Variants in PGBD5 observed in about 807,000 individuals in gnomAD.
PGBD5 encodes the protein piggyBac transposable element derived 5, also known as piggyBac transposable element-derived protein 5.
In PGBD5, 14 loss-of-function variants were observed where a neutral mutation model predicts 47.9. The observed-to-expected ratio is 0.29, with a 90% CI of 0.19 to 0.46. The LOEUF (loss-of-function observed/expected upper bound fraction) is 0.46. Among genes scored for constraint, PGBD5 ranks in the 20% least tolerant of loss-of-function variants. PGBD5 has a pLI of 1.00. For missense variants in PGBD5, 635 were observed against 716.0 expected (o/e 0.89, Z 1.29); for synonymous variants, 316 against 306.3 (o/e 1.03, Z -0.33).
intron 1 of PGBD5, among the ~76,000 whole-genome samples, chr1:230,416,453 C>T (rs2102753278): frequency 6.6e-6 from 1 of 152,316 alleles, no homozygotes; most frequent in South Asian, 2.1e-4. Flanking sequence ...TTACCATATA[C>T]TGTGACCAGA....
At chr1:230,354,216 C>A (rs963453185) in intron 2 of PGBD5, among the ~76,000 whole-genome samples, 1 of 152,206 alleles carries the variant, frequency 6.6e-6, no homozygotes, top group African/African-American at 2.4e-5. Flanking sequence ...CCTACTGACA[C>A]GGAGCTGGTG....
intron 1 of PGBD5, among the ~76,000 whole-genome samples, chr1:230,391,637 C>A (rs983434386): frequency 6.6e-6 from 1 of 152,180 alleles, no homozygotes; most frequent in Non-Finnish European, 1.5e-5. Flanking sequence ...TTTCCAAGAC[C>A]AAACTGTGAG....
chr1:230,375,022 C>G (rs993100524), intron 1 of PGBD5, among the ~76,000 whole-genome samples: 1 of 152,190 alleles, frequency 6.6e-6, no homozygotes, highest in Non-Finnish European at 1.5e-5. Context: ...TCTCTTCATA[C>G]GTTTCCAAAG....
Position 230,405,400 on chromosome 1 carries a change from C to T in PGBD5, c.331+20198G>A, listed in dbSNP as rs531885695. Reference sequence around the variant, plus strand: ...GCGTGGATGATCCACCTCCACTAAACGAACAGTAAATATATTTTCTCTTTC... The same window carrying T: ...GCGTGGATGATCCACCTCCACTAAATGAACAGTAAATATATTTTCTCTTTC... On this transcript the variant is annotated intron_variant, in intron 1 of 6. Coordinates refer to ENST00000391860, the MANE Select transcript of PGBD5 (RefSeq NM_001258311.2). Among the ~76,000 whole-genome samples the T allele has an allele frequency of 1.2e-4, 18 of 152,102 alleles. No homozygotes were observed. In the South Asian group the frequency reaches 2.9e-3, roughly 25 times the overall value.
At chr1:230,328,519 G>C (rs994436593) in intron 5 of PGBD5, among the ~76,000 whole-genome samples, 1 of 152,166 alleles carries the variant, frequency 6.6e-6, no homozygotes, top group Non-Finnish European at 1.5e-5. Context: ...TGACTGTCTT[G>C]ACTGAGTGAA....
At chr1:230,358,935 G>A (rs892835848) in intron 1 of PGBD5, among the ~76,000 whole-genome samples, 4 of 152,190 alleles carry the variant, frequency 2.6e-5, no homozygotes, top group African/African-American at 7.2e-5. Context: ...GCATGACTCT[G>A]TGTGTGTACA....
chr1:230,371,787 G>C (rs1667932379), intron 1 of PGBD5, among the ~76,000 whole-genome samples: 1 of 152,208 alleles, frequency 6.6e-6, no homozygotes, highest in South Asian at 2.1e-4. Flanking sequence ...CACAGAGCTT[G>C]CACAAATCAC....
At chr1:230,372,430 G>A (rs998962305) in intron 1 of PGBD5, among the ~76,000 whole-genome samples, 2 of 152,130 alleles carry the variant, frequency 1.3e-5, no homozygotes, top group Non-Finnish European at 2.9e-5. Flanking sequence ...GCTGTTAGAC[G>A]CAGAACACTA....
chr1:230,364,633 A>AC (rs79249397), intron 1 of PGBD5, among the ~76,000 whole-genome samples: 1 of 132,482 alleles, frequency 7.5e-6, no homozygotes, highest in South Asian at 2.4e-4. Context: ...GAAGTTAGCA[A>AC]TAAAAATAAA....
At chr1:230,412,821 C>A (rs1657441019) in intron 1 of PGBD5, among the ~76,000 whole-genome samples, 1 of 152,124 alleles carries the variant, frequency 6.6e-6, no homozygotes, top group Non-Finnish European at 1.5e-5. Flanking sequence ...CCACCCAGTG[C>A]AAACCTGTGT....
chr1:230,355,063 C>CA (rs1667614734), intron 2 of PGBD5, among the ~76,000 whole-genome samples: 1 of 152,170 alleles, frequency 6.6e-6, no homozygotes. Flanking sequence ...CACCTGGAAG[C>CA]AAATACAAGT....
chr1:230,394,823 C>T (rs1656884348), intron 1 of PGBD5, among the ~76,000 whole-genome samples: 1 of 132,568 alleles, frequency 7.5e-6, no homozygotes, highest in Admixed American at 7.4e-5. Context: ...TCACGCTCCT[C>T]CCTATCCCCG....
chr1:230,336,076 G>A (rs1667321456), intron 4 of PGBD5: 1 of 152,130 alleles, frequency 6.6e-6, no homozygotes, highest in African/African-American at 2.4e-5. Context: ...GAGTGGGCAG[G>A]AGAGATGGCA....
At chr1:230,386,547 A>G (rs2102729637) in intron 1 of PGBD5, among the ~76,000 whole-genome samples, 1 of 152,322 alleles carries the variant, frequency 6.6e-6, no homozygotes, top group African/African-American at 2.4e-5. Flanking sequence ...TTTTCCACGC[A>G]AATCCTAGCA....
At position 230,393,795 on chromosome 1, in the gene PGBD5, C is replaced by T. The variant is rs1310070068; in HGVS notation, c.331+31803G>A. Among the ~76,000 whole-genome samples, 5 of 147,654 alleles carry T rather than the reference C, an allele frequency of 3.4e-5. No homozygotes were observed. In the East Asian group the frequency reaches 6.1e-4, roughly 18 times the overall value. ...AGCGGAGATCGCGCCACAGCACTCCCGCCTGGGCGACAGAACGAGACTCCG... is the reference window on the plus strand; with the variant it reads ...AGCGGAGATCGCGCCACAGCACTCCTGCCTGGGCGACAGAACGAGACTCCG... On this transcript the variant is annotated intron_variant, in intron 1 of 6. Coordinates refer to ENST00000391860, the MANE Select transcript of PGBD5 (RefSeq NM_001258311.2).
intron 2 of PGBD5, among the ~76,000 whole-genome samples, chr1:230,354,046 G>C (rs1024370874): frequency 6.6e-6 from 1 of 152,192 alleles, no homozygotes. Flanking sequence ...TGGAAAGCCC[G>C]GGGCATCCTC....
chr1:230,419,921 T>C (rs573562696), intron 1 of PGBD5, among the ~76,000 whole-genome samples: 2 of 151,492 alleles, frequency 1.3e-5, no homozygotes, highest in Non-Finnish European at 2.9e-5. Context: ...AGGTAAGGAG[T>C]TCAAGACCAG....
At chr1:230,384,148 T>C (rs558716960) in intron 1 of PGBD5, among the ~76,000 whole-genome samples, 4 of 152,282 alleles carry the variant, frequency 2.6e-5, no homozygotes, top group East Asian at 3.9e-4. Context: ...CGGGGAAGTA[T>C]TGGATGCTAT....
chr1:230,335,740 C>T (rs1231500616), intron 4 of PGBD5, among the ~76,000 whole-genome samples: 1 of 368 alleles, frequency 2.7e-3, no homozygotes, highest in Non-Finnish European at 5.6e-3. Context: ...CACAGACTTA[C>T]ACAAAGACAC....
Sources: gnomAD v4.1 joint callset for allele counts (sites outside exome capture counted in the v4.1 genomes callset) on GRCh38, gnomAD v4.1.1 for gene constraint, MANE v1.5 for transcripts, NCBI Gene and HGNC (gene_info 2026-07-23, HGNC 2026-07-21) for gene names.